Variants in NFIX observed in about 807,000 individuals in gnomAD.
NFIX encodes nuclear factor I X.
In NFIX, 2 loss-of-function variants were observed where a neutral mutation model predicts 53.3. The observed-to-expected ratio is 0.04, with a 90% confidence interval of 0.02 to 0.12. NFIX has a LOEUF of 0.12. Ranked by LOEUF, NFIX falls within the 10% of genes least tolerant of loss-of-function variation. The pLI, the probability that NFIX is intolerant of heterozygous loss-of-function variation, is 1.00. For synonymous variants in NFIX, 244 were observed against 289.0 expected (o/e 0.84, Z 1.58); for missense variants, 310 against 674.5 (o/e 0.46, Z 5.99).
chr19:13,061,454 G>C (rs2016082353), intron 2 of NFIX, among the ~76,000 whole-genome samples: 1 of 152,248 alleles, frequency 6.6e-6, no homozygotes, highest in South Asian at 2.1e-4. Flanking sequence ...TGGGTATGCA[G>C]AGGGAACCAC....
In NFIX at chr19:13,067,408, T is replaced by C. The variant is rs1448926602; in HGVS notation, c.560-5639T>C. On this transcript the variant is annotated intron_variant, in intron 2 of 10. Coordinates refer to ENST00000592199, the MANE Select transcript of NFIX (RefSeq NM_001365902.3). The surrounding 1 kb of genome is among the most constrained non-coding windows in gnomAD (Gnocchi z 4.2). Reference sequence around the variant, plus strand: ...GGTGGCTCCAGATGTACCATCTCACTCCACCCTTTCTGGACGGCAAGAAGT... The same window carrying C: ...GGTGGCTCCAGATGTACCATCTCACCCCACCCTTTCTGGACGGCAAGAAGT... Among the ~76,000 whole-genome samples, 1 of 152,104 alleles carries C rather than the reference T, an allele frequency of 6.6e-6. No homozygotes were observed. The highest frequency in any genetic ancestry group is 1.5e-5 in the Non-Finnish European group (1 of 68,026).
chr19:13,064,293 C>G (rs939101023), intron 2 of NFIX, among the ~76,000 whole-genome samples: 8 of 152,218 alleles, frequency 5.3e-5, no homozygotes, highest in African/African-American at 1.7e-4. Context: ...GCCAGCACTG[C>G]CAGGAGAGGC....
At chr19:13,055,365 C>G (rs1009245519) in intron 2 of NFIX, among the ~76,000 whole-genome samples, 1 of 152,198 alleles carries the variant, frequency 6.6e-6, no homozygotes, top group Admixed American at 6.5e-5. Flanking sequence ...CCCACTCTCC[C>G]GCAGGGTGAG....
chr19:13,075,622 A>C lies in NFIX; in HGVS notation c.906A>C (p.Pro302=), dbSNP rs768983897. The change falls in exon 6 of 11, where the codon CCA becomes CCC. Residue 302 remains proline, a synonymous_variant. Coordinates refer to ENST00000592199, the MANE Select transcript of NFIX (RefSeq NM_001365902.3). ...TCTATCCCGGGACAGGCCGTTCCCC[A>C]GCAGCTGGCAGCAGCCAGTCCAGCG... ...DVFYPGTGRS[P]AAGSSQSSGW... is the part of the protein sequence containing the mutation. The C allele has an allele frequency of 1.2e-6, 2 of 1,613,504 alleles. No individual in the cohort carries two copies. Among genetic ancestry groups the C allele is most frequent in the Non-Finnish European group, 8.5e-7 (1 of 1,179,744 alleles).
intron 8 of NFIX, among the ~76,000 whole-genome samples, chr19:13,086,800 A>G (rs1196705616): frequency 1.3e-5 from 2 of 152,226 alleles, no homozygotes; most frequent in Admixed American, 6.5e-5. Flanking sequence ...GCACAGTCTC[A>G]GCACAGGGGA....
intron 7 of NFIX, among the ~76,000 whole-genome samples, chr19:13,079,639 C>CGGTGCT (rs956726354): frequency 6.6e-6 from 1 of 151,764 alleles, no homozygotes; most frequent in African/African-American, 2.4e-5. Context: ...CAGAGGCAGC[C>CGGTGCT]GGTGCTGGGG....
intron 1 of NFIX, among the ~76,000 whole-genome samples, chr19:13,017,243 G>A (rs1406787599): frequency 2.0e-5 from 3 of 152,164 alleles, no homozygotes; most frequent in Admixed American, 6.5e-5. Context: ...GCTCCTCAAA[G>A]CACCCCCGGT....
chr19:13,065,486 C>A (rs953810576), intron 2 of NFIX, among the ~76,000 whole-genome samples: 1 of 152,284 alleles, frequency 6.6e-6, no homozygotes, highest in South Asian at 2.1e-4. Context: ...GCTGGGTCAC[C>A]TTGCCATGGG....
In NFIX at chr19:13,022,250, G is replaced by A. The variant is rs1003120757; in HGVS notation, c.28-2771G>A. Among the ~76,000 whole-genome samples, 4 of 152,118 alleles carry A rather than the reference G, an allele frequency of 2.6e-5. No individual in the cohort carries two copies. The highest frequency in any genetic ancestry group is 2.1e-4 in the South Asian group (1 of 4,828). On this transcript the variant is annotated intron_variant, in intron 1 of 10. Coordinates refer to ENST00000592199, the MANE Select transcript of NFIX (RefSeq NM_001365902.3). The surrounding 1 kb of genome is among the most constrained non-coding windows in gnomAD (Gnocchi z 4.5). ...TTTTAATAAACTGTTGCAGTTTCTC[G>A]AGCCGAGCTGTGTTGCGTTGGCATC...
chr19:13,075,068 TAAAAAAAAAA>T (rs57860606), intron 5 of NFIX, among the ~76,000 whole-genome samples: 1 of 73,702 alleles, frequency 1.4e-5, no homozygotes, highest in African/African-American at 6.6e-5. Context: ...AGACTCCATC[TAAAAAAAAAA>T]AAAAAAAAAA....
intron 1 of NFIX, among the ~76,000 whole-genome samples, chr19:12,997,434 A>G (rs1280640838): frequency 6.6e-6 from 1 of 152,178 alleles, no homozygotes; most frequent in Non-Finnish European, 1.5e-5. Flanking sequence ...GCATGCATAC[A>G]TGTTGCAGTG....
rs201664313 is a variant in NFIX, at chr19:13,073,949, C to A, written c.741C>A (p.Asp247Glu). 2.5e-6 allele frequency: 4 copies of A among 1,613,996 alleles called. No homozygotes were observed. Among genetic ancestry groups the A allele is most frequent in the Non-Finnish European group, 3.4e-6 (4 of 1,179,866 alleles). The change falls in exon 5 of 11, where the codon GAC (aspartate) becomes GAA (glutamate). Residue 247 changes from aspartate to glutamate, a missense_variant. Physicochemically the swap from Asp to Glu is conservative, Grantham distance 45 (BLOSUM62 2). Around this residue, in one of 5 missense-constraint regions of NFIX, gnomAD observed 164 missense variants for 284.4 expected, o/e 0.58. Transcript: ENST00000592199. This position sits in a 1 kb window ranked among gnomAD's most constrained non-coding sequence, Gnocchi z 4.5. ...CAGGGCCCAACTTCTCCCTGGCGGACCTGGAGAGTCCCAGCTACTACAACA... is the reference window on the plus strand; with the variant it reads ...CAGGGCCCAACTTCTCCCTGGCGGAACTGGAGAGTCCCAGCTACTACAACA... ...TASGPNFSLA[D>E]LESPSYYNIN...
Position 13,001,194 on chromosome 19 carries a change from G to A in NFIX, c.27+5330G>A, listed in dbSNP as rs1295940272. Among the ~76,000 whole-genome samples, 1 of 152,228 alleles carries A rather than the reference G, an allele frequency of 6.6e-6. No homozygotes were observed. The highest frequency in any genetic ancestry group is 1.5e-5 in the Non-Finnish European group (1 of 68,046). On this transcript the variant is annotated intron_variant, in intron 1 of 10. Transcript: ENST00000592199. The surrounding 1 kb of genome is among the most constrained non-coding windows in gnomAD (Gnocchi z 6.5). ...GGAGGACAGCTGTGAGCCACTATCT[G>A]GGTTCTCCCAGATCGGTGTGCATGT... is the stretch of plus-strand genomic sequence containing the variant.
rs1453848684 is a variant in NFIX at position 13,024,126 on chromosome 19, A to AC, written c.28-895_28-894insC. On this transcript the variant is annotated intron_variant, in intron 1 of 10. Coordinates refer to ENST00000592199, the MANE Select transcript of NFIX (RefSeq NM_001365902.3). ...CAAGCAAACAACCAAAAAAAAAAAAAAAAACCAAACAAAACCGAGAGAGCC... is the reference window on the plus strand; with the variant it reads ...CAAGCAAACAACCAAAAAAAAAAAAACAAAACCAAACAAAACCGAGAGAGCC... The AC allele has an allele frequency of 4.4e-6, 4 of 906,474 alleles. No homozygotes were observed. In the East Asian group the frequency reaches 8.0e-5, roughly 18 times the overall value. The allele number at this position is 906,474 out of a possible 1,614,324, so 56.2% of individuals were successfully genotyped here. A position where few individuals can be genotyped will look rare whatever the true frequency, so the allele number is the denominator to read the frequency against.
Position 13,043,319 on chromosome 19 carries a change from G to C in NFIX, c.559+17767G>C, listed in dbSNP as rs1344223394. Among the ~76,000 whole-genome samples, 4 of 152,244 alleles carry C rather than the reference G, an allele frequency of 2.6e-5. No homozygotes were observed. The highest frequency in any genetic ancestry group is 2.6e-4 in the Admixed American group (4 of 15,286). On this transcript the variant is annotated intron_variant, in intron 2 of 10. Coordinates refer to ENST00000592199, the MANE Select transcript of NFIX (RefSeq NM_001365902.3). The surrounding 1 kb of genome is among the most constrained non-coding windows in gnomAD (Gnocchi z 4.0). ...GGGAGGGACCCTTGGGGGTCACCGT[G>C]GCATGGCAGTTTCCTCTCAGCTTCT...
Position 13,002,997 on chromosome 19 carries a change from C to G in NFIX, c.27+7133C>G, listed in dbSNP as rs533856510. Among the ~76,000 whole-genome samples the G allele has an allele frequency of 1.3e-5, 2 of 152,250 alleles. No homozygotes were observed. The highest frequency in any genetic ancestry group is 3.9e-4 in the East Asian group (2 of 5,178). On this transcript the variant is annotated intron_variant, in intron 1 of 10. Coordinates refer to ENST00000592199, the MANE Select transcript of NFIX (RefSeq NM_001365902.3). This position sits in a 1 kb window ranked among gnomAD's most constrained non-coding sequence, Gnocchi z 6.1. ...GACAGCATGGAGGTGCACCCGACCC[C>G]CCTGGGCCTTTTAGTCCAAGGCAGG...
intron 1 of NFIX, chr19:13,024,037 A>T: frequency 6.9e-7 from 1 of 1,449,070 alleles, no homozygotes; most frequent in Non-Finnish European, 9.2e-7. Context: ...GATCAATGGT[A>T]ATTATTTAAT....
In NFIX at chr19:13,078,581, A is replaced by G; in HGVS notation, c.956-32A>G. 1 of 1,583,512 alleles carries G rather than the reference A, an allele frequency of 6.3e-7. No individual in the cohort carries two copies. The highest frequency in any genetic ancestry group is 1.7e-4 in the Middle Eastern group (1 of 5,888). ...CCCGCACCCACCCCAGCCCAGCTAA[A>G]CCTGCCCTGTGTTGCTGCTTCCTCC... On this transcript the variant is annotated intron_variant, in intron 6 of 10. Transcript: ENST00000592199. This position sits in a 1 kb window ranked among gnomAD's most constrained non-coding sequence, Gnocchi z 4.7.
At chr19:13,091,015 G>A (rs996312644) in intron 10 of NFIX, among the ~76,000 whole-genome samples, 2 of 152,098 alleles carry the variant, frequency 1.3e-5, no homozygotes, top group African/African-American at 4.8e-5. Context: ...ACAGATCCCC[G>A]TCACAAGCAG....
Sources: allele counts gnomAD v4.1 joint callset (sites outside exome capture counted in the v4.1 genomes callset), GRCh38; gene constraint gnomAD v4.1.1; regional missense constraint gnomAD v4.1.1; non-coding constraint Gnocchi (gnomAD v3.1); transcripts MANE v1.5; gene names NCBI Gene and HGNC (gene_info 2026-07-23, HGNC 2026-07-21).